Variants in PIK3AP1 observed in about 807,000 individuals in gnomAD.
The protein encoded by PIK3AP1 is phosphoinositide 3-kinase adapter protein 1.
A neutral mutation model predicts 88.1 loss-of-function variants in PIK3AP1; 21 were observed. The ratio of observed to expected loss-of-function variants is 0.24; its 90% CI spans 0.17 to 0.34. PIK3AP1 has a LOEUF of 0.34. Among genes scored for constraint, PIK3AP1 ranks in the 10% least tolerant of loss-of-function variants. PIK3AP1 has a pLI of 1.00. For synonymous variants in PIK3AP1, 398 were observed against 400.0 expected, an observed-to-expected ratio of 1.00 and a Z score of 0.06; for missense variants, 828 against 1,035.7, an observed-to-expected ratio of 0.80 and a Z score of 2.75.
chr10:96,625,131 C>T (rs1843137840), intron 10 of PIK3AP1, among the ~76,000 whole-genome samples: 1 of 152,084 alleles, frequency 6.6e-6, no homozygotes, highest in South Asian at 2.1e-4. Context: ...ATGTAGAATG[C>T]GCAACTAAGA....
chr10:96,620,279 G>T, intron 12 of PIK3AP1, 73 bp downstream of exon 12: 2 of 1,482,180 alleles, frequency 1.3e-6, no homozygotes, highest in Admixed American at 1.7e-5. Flanking sequence ...ACACAAGACA[G>T]CCATGGCCCA....
At chr10:96,638,565 GATAA>G (rs1843344808) in intron 8 of PIK3AP1, among the ~76,000 whole-genome samples, 1 of 152,144 alleles carries the variant, frequency 6.6e-6, no homozygotes, top group Non-Finnish European at 1.5e-5. Context: ...AGGGGCTGCG[GATAA>G]ATAGTTTAGG....
At chr10:96,640,838 A>AT (rs200287304) in intron 8 of PIK3AP1, among the ~76,000 whole-genome samples, 6 of 151,186 alleles carry the variant, frequency 4.0e-5, no homozygotes, top group African/African-American at 9.7e-5. Flanking sequence ...AAAAAAAAAA[A>AT]TTTTTGTAGA....
Position 96,623,489 on chromosome 10 carries a change from G to C in PIK3AP1, c.1718C>G (p.Ser573Ter). 6.2e-7 allele frequency: 1 copy of C among 1,611,986 alleles called. No individual in the cohort carries two copies. The highest frequency in any genetic ancestry group is 8.5e-7 in the Non-Finnish European group (1 of 1,178,390). ...TGGCTTACCTTTCCTGATGCTCTCT[G>C]AGGAAACGTAGAAATTCCCAGGCCG... ...QERPGNFYVS[S>*]ESIRKGPPVR... The change falls in exon 11 of 17, where the codon TCA (serine) becomes TGA (stop). Residue 573 changes from serine to a stop codon, truncating the protein, a stop_gained. Coordinates refer to ENST00000339364, the MANE Select transcript of PIK3AP1 (RefSeq NM_152309.3). LOFTEE classifies it high-confidence loss of function.
chr10:96,623,346 A>G, intron 11 of PIK3AP1, 126 bp downstream of exon 11: 2 of 927,148 alleles, frequency 2.2e-6, no homozygotes, highest in Non-Finnish European at 3.3e-6. Context: ...TACAGGCGTG[A>G]GCCATGATGC....
chr10:96,627,877 C>T (rs1452076154), intron 9 of PIK3AP1, among the ~76,000 whole-genome samples: 4 of 152,148 alleles, frequency 2.6e-5, no homozygotes, highest in African/African-American at 7.2e-5. Flanking sequence ...TCCCAGAGGA[C>T]TTGAATAACT....
chr10:96,690,783 T>G (rs1469588122), intron 2 of PIK3AP1, among the ~76,000 whole-genome samples: 3 of 152,236 alleles, frequency 2.0e-5, no homozygotes, highest in African/African-American at 7.2e-5. Flanking sequence ...TCTAATCTCC[T>G]GGCCACAGTT....
At chr10:96,628,683 C>T (rs1843186320) in intron 8 of PIK3AP1, among the ~76,000 whole-genome samples, 190 bp from the exon 9 acceptor site, 1 of 151,638 alleles carries the variant, frequency 6.6e-6, no homozygotes, top group South Asian at 2.1e-4. Context: ...GAGCAACGTG[C>T]CCAACCCTCA....
rs748663928 is a variant in PIK3AP1, at chr10:96,709,943, C to T, written c.54G>A (p.Pro18=). 7.5e-6 allele frequency: 12 copies of T among 1,602,678 alleles called. No homozygotes were observed. The Admixed American group carries it at 1.3e-4, about 18-fold the overall frequency. ...RGCDILIVYS[P]DAEEWCQYLQ... ...GGTACTGGCACCATTCCTCGGCATC[C>T]GGGCTGTAGACGATGAGGATGTCGC... Residue 18 remains proline (P), a synonymous_variant, in exon 2 of 17, where the codon CCG becomes CCA. Transcript: ENST00000339364.
At chr10:96,644,110 G>A (rs1843427519) in intron 8 of PIK3AP1, among the ~76,000 whole-genome samples, 1 of 152,192 alleles carries the variant, frequency 6.6e-6, no homozygotes, top group Non-Finnish European at 1.5e-5. Context: ...CGGTTCTCAA[G>A]GGTGGTGGCA....
In PIK3AP1 at chr10:96,606,636, G is replaced by T. The variant is rs113766347; in HGVS notation, c.2171-2587C>A. 1.3e-3 allele frequency among the ~76,000 whole-genome samples: 202 copies of T among 152,324 alleles called. 2 individuals carry two copies. The highest frequency in any genetic ancestry group is 4.7e-3 in the African/African-American group (197 of 41,578). On this transcript the variant is annotated intron_variant, in intron 14 of 16. Transcript: ENST00000339364. ...CCTAGCTCCCATCATCTTCACACTT[G>T]CCAGGGGGAAGGGGGGCAGTGCCCA...
intron 1 of PIK3AP1, among the ~76,000 whole-genome samples, chr10:96,710,738 G>A (rs896220514): frequency 3.9e-5 from 6 of 152,150 alleles, no homozygotes; most frequent in Non-Finnish European, 7.3e-5. Flanking sequence ...AACTTTAGAA[G>A]GTAGGTACTA....
intron 2 of PIK3AP1, among the ~76,000 whole-genome samples, chr10:96,708,561 C>A (rs1158718102): frequency 1.8e-5 from 2 of 111,410 alleles, no homozygotes; most frequent in Non-Finnish European, 1.7e-5. Flanking sequence ...GACGTCAGAG[C>A]GAGGATCTGT....
chr10:96,697,232 G>A (rs550358978), intron 2 of PIK3AP1, among the ~76,000 whole-genome samples: 105 of 152,246 alleles, frequency 6.9e-4, no homozygotes, highest in Non-Finnish European at 1.4e-3. Context: ...AGTGAGTGAC[G>A]GTGCAGTCAT....
intron 14 of PIK3AP1, among the ~76,000 whole-genome samples, chr10:96,605,468 C>T (rs1483427032): frequency 2.0e-5 from 3 of 152,074 alleles, no homozygotes; most frequent in African/African-American, 7.2e-5. Flanking sequence ...GGTGATCTAG[C>T]AGAGAAGAAG....
intron 2 of PIK3AP1, among the ~76,000 whole-genome samples, chr10:96,672,477 T>TC (rs1281691680): frequency 6.6e-6 from 1 of 152,168 alleles, no homozygotes; most frequent in Non-Finnish European, 1.5e-5. Context: ...ACCTTAGGCC[T>TC]CTAAGACTTT....
chr10:96,665,750 G>A (rs984273205), intron 2 of PIK3AP1, among the ~76,000 whole-genome samples: 1 of 152,192 alleles, frequency 6.6e-6, no homozygotes, highest in Non-Finnish European at 1.5e-5. Context: ...TATGCTAAAT[G>A]TCAGAGGTTA....
intron 2 of PIK3AP1, among the ~76,000 whole-genome samples, chr10:96,687,255 C>CAAAAAAAAAAA (rs59631566): frequency 2.3e-4 from 13 of 55,336 alleles, no homozygotes; most frequent in African/African-American, 6.1e-4. Context: ...TACTCCATCT[C>CAAAAAAAAAAA]AAAAAAAAAA....
At chr10:96,693,441 G>GTGGGTGGATGGATGGATGGA (rs112894438) in intron 2 of PIK3AP1, among the ~76,000 whole-genome samples, 4 of 150,538 alleles carry the variant, frequency 2.7e-5, no homozygotes, top group Non-Finnish European at 5.9e-5. Context: ...AGATAGATGA[G>GTGGGTGGATGGATGGATGGA]TGGATGGATG....
Sources: gnomAD v4.1 joint callset for allele counts (sites outside exome capture counted in the v4.1 genomes callset) on GRCh38, gnomAD v4.1.1 for gene constraint, MANE v1.5 for transcripts, NCBI Gene and HGNC (gene_info 2026-07-23, HGNC 2026-07-21) for gene names.